Variants in DMD observed in about 807,000 individuals in gnomAD.
DMD encodes mutant dystrophin.
DMD carries 63 observed loss-of-function variants against 330.1 expected under a neutral mutation model. The observed-to-expected ratio is 0.19, with a 90% confidence interval of 0.16 to 0.24. The LOEUF is 0.24. DMD is among the 10% of genes least tolerant of loss of function. The probability of loss-of-function intolerance (pLI) is 1.00; values close to 1 mark genes in which losing one functional copy is unlikely to be tolerated. For synonymous variants in DMD, 1,223 were observed against 959.8 expected, an observed-to-expected ratio of 1.27 and a Z score of -5.07; for missense variants, 3,344 against 2,684.1, an observed-to-expected ratio of 1.25 and a Z score of -5.43.
At chrX:31,191,730 C>T (rs897909158) in intron 67 of DMD, among the ~76,000 whole-genome samples, 6 of 111,946 alleles carry the variant, frequency 5.4e-5, no homozygotes, top group Non-Finnish European at 1.1e-4. Context: ...ATTGCCCCAT[C>T]TCAGGTATGT....
chrX:32,711,329 A>C (rs901599650), intron 7 of DMD, among the ~76,000 whole-genome samples: 5 of 110,946 alleles, frequency 4.5e-5, no homozygotes, highest in Non-Finnish European at 9.5e-5. Flanking sequence ...GATGACCAGA[A>C]ACCCAGGGGC....
At chrX:32,815,174 C>G (rs934208613) in intron 6 of DMD, among the ~76,000 whole-genome samples, 1 of 110,265 alleles carries the variant, frequency 9.1e-6, no homozygotes, top group Non-Finnish European at 1.9e-5. Context: ...TTAAATCCAG[C>G]TGGAGCAAGA....
At chrX:31,917,145 A>G (rs2094619592) in intron 47 of DMD, among the ~76,000 whole-genome samples, 2 of 111,438 alleles carry the variant, frequency 1.8e-5, no homozygotes, top group South Asian at 3.8e-4. Flanking sequence ...AGGGGGGGAA[A>G]TGCAGAACCT....
intron 15 of DMD, among the ~76,000 whole-genome samples, chrX:32,566,805 C>T (rs190982586): frequency 1.6e-3 from 180 of 111,512 alleles, no homozygotes; most frequent in African/African-American, 5.6e-3. Flanking sequence ...TTCCTGGGTA[C>T]TGAACATTAC....
chrX:31,671,663 G>GTTATAGGTCTATCCAGGTTATCTA (rs1372188545), intron 53 of DMD, among the ~76,000 whole-genome samples: 1 of 111,747 alleles, frequency 8.9e-6, no homozygotes, highest in Non-Finnish European at 1.9e-5. Flanking sequence ...TCAATTTCTT[G>GTTATAGGTCTATCCAGGTTATCTA]TTATAGGTCT....
chrX:33,320,614 T>C (rs913853176), intron 1 of DMD, among the ~76,000 whole-genome samples: 1 of 112,330 alleles, frequency 8.9e-6, no homozygotes, highest in Non-Finnish European at 1.9e-5. Flanking sequence ...TGCTGATTGA[T>C]CAGGGTGGGG....
intron 1 of DMD, among the ~76,000 whole-genome samples, chrX:33,104,248 G>T (rs1030565911): frequency 3.6e-5 from 4 of 111,671 alleles, no homozygotes; most frequent in African/African-American, 1.3e-4. Context: ...TGTTAATAAC[G>T]TTTTAAAATA....
intron 55 of DMD, among the ~76,000 whole-genome samples, chrX:31,567,139 G>A (rs184207584): frequency 6.7e-4 from 75 of 111,446 alleles, no homozygotes; most frequent in African/African-American, 2.4e-3. Context: ...TATTTTCTAC[G>A]TACACAGTCA....
intron 44 of DMD, among the ~76,000 whole-genome samples, chrX:32,081,640 A>C (rs1255074046): frequency 3.6e-5 from 4 of 111,424 alleles, no homozygotes; most frequent in Admixed American, 1.9e-4. Context: ...GGATCACCTG[A>C]GGTCGGGTGT....
chrX:32,151,411 G>A (rs1297893148), intron 44 of DMD: 1 of 111,354 alleles, frequency 9.0e-6, no homozygotes, highest in African/African-American at 3.3e-5. Context: ...TTTTGCCTCT[G>A]GAGGCAAAAG....
chrX:33,025,385 T>G (rs1343597586), intron 1 of DMD, among the ~76,000 whole-genome samples: 1 of 110,674 alleles, frequency 9.0e-6, no homozygotes, highest in Non-Finnish European at 1.9e-5. Context: ...GCAATGAGAG[T>G]TAGGAGCGAG....
intron 34 of DMD, among the ~76,000 whole-genome samples, chrX:32,370,687 T>A (rs1162312706): frequency 2.8e-5 from 3 of 106,308 alleles, no homozygotes; most frequent in African/African-American, 6.8e-5. Flanking sequence ...CTGCTCACTT[T>A]AAAAAAAAAA....
At chrX:32,306,664 T>C (rs913289762) in intron 42 of DMD, among the ~76,000 whole-genome samples, 1 of 110,747 alleles carries the variant, frequency 9.0e-6, no homozygotes, top group African/African-American at 3.3e-5. Flanking sequence ...CTCCTTATTT[T>C]ATTTCTTTTC....
At chrX:32,462,791 A>C in intron 25 of DMD, among the ~76,000 whole-genome samples, 1 of 110,444 alleles carries the variant, frequency 9.1e-6, no homozygotes, top group African/African-American at 3.3e-5. Flanking sequence ...CCCTGTCTCT[A>C]CCAAAAAATA....
chrX:32,821,240 T>C (rs745801268), intron 5 of DMD, among the ~76,000 whole-genome samples: 1 of 111,501 alleles, frequency 9.0e-6, no homozygotes, highest in South Asian at 3.8e-4. Flanking sequence ...TAATAGGTAC[T>C]CTTTGTGTCT....
intron 48 of DMD, among the ~76,000 whole-genome samples, chrX:31,871,930 C>A (rs1042399547): frequency 1.5e-4 from 3 of 19,525 alleles, no homozygotes; most frequent in African/African-American, 7.7e-4. Flanking sequence ...CTTAATAAAT[C>A]ATTTATTAGT....
chrX:31,563,696 T>C (rs1000645154), intron 55 of DMD, among the ~76,000 whole-genome samples: 1 of 112,080 alleles, frequency 8.9e-6, no homozygotes, highest in African/African-American at 3.2e-5. Flanking sequence ...AAATCTATTC[T>C]ATGAAACAGA....
intron 1 of DMD, among the ~76,000 whole-genome samples, chrX:33,308,091 T>C (rs2053791505): frequency 8.9e-6 from 1 of 112,553 alleles, no homozygotes; most frequent in Non-Finnish European, 1.9e-5. Flanking sequence ...GCAGTTGATT[T>C]ATACTGTCAT....
intron 12 of DMD, among the ~76,000 whole-genome samples, chrX:32,609,549 C>CAATGG (rs1233862539): frequency 2.7e-5 from 3 of 111,021 alleles, no homozygotes; most frequent in African/African-American, 9.8e-5. Context: ...GAATAGAATG[C>CAATGG]AATGGAATGA....
Sources: allele counts gnomAD v4.1 joint callset (sites outside exome capture counted in the v4.1 genomes callset), GRCh38; gene constraint gnomAD v4.1.1; transcripts MANE v1.5; gene names NCBI Gene and HGNC (gene_info 2026-07-23, HGNC 2026-07-21).